The following ME3 variants were observed in gnomAD, a reference collection of about 807,000 sequenced individuals.
The protein encoded by ME3 is NADP-dependent malic enzyme, mitochondrial.
A neutral mutation model predicts 68.9 loss-of-function variants in ME3; 48 were observed. The ratio of observed to expected loss-of-function variants is 0.70; its 90% CI spans 0.55 to 0.89. ME3 has a LOEUF of 0.89. Ranked by LOEUF, ME3 falls within the 40% of genes least tolerant of loss-of-function variation. The pLI, the probability that ME3 is intolerant of heterozygous loss-of-function variation, is 0.00. For synonymous variants in ME3, 320 were observed against 318.8 expected, an observed-to-expected ratio of 1.00 and a Z score of -0.04; for missense variants, 675 against 797.4, an observed-to-expected ratio of 0.85 and a Z score of 1.85.
rs114752656 is a variant in ME3 at position 86,538,132 on chromosome 11, G to A, written c.467+18421C>T. On this transcript the variant is annotated intron_variant, in intron 4 of 14. Transcript: ENST00000543262. Reference sequence around the variant, plus strand: ...CTGATTTCATTCACTTTAGGAATGTGTTTGCTTTCTTGTGGTTGTTTGGGG... The same window carrying A: ...CTGATTTCATTCACTTTAGGAATGTATTTGCTTTCTTGTGGTTGTTTGGGG... Among the ~76,000 whole-genome samples, 364 of 152,316 alleles carry A rather than the reference G, an allele frequency of 2.4e-3. 1 individual carries two copies. Among genetic ancestry groups the A allele is most frequent in the African/African-American group, 8.5e-3 (354 of 41,574 alleles).
At chr11:86,486,058 G>C (rs975993048) in intron 7 of ME3, among the ~76,000 whole-genome samples, 2 of 152,076 alleles carry the variant, frequency 1.3e-5, no homozygotes, top group African/African-American at 4.8e-5. Context: ...TCTTCAAGCA[G>C]ATGGGACTCC....
In ME3 at chr11:86,508,898, A is replaced by G. The variant is rs750561139; in HGVS notation, c.468-31T>C. ...AGAAATAAAACACGTACACACAGAG[A>G]AACCAGGCAGTCAGATTAGGAACTG... On this transcript the variant is annotated intron_variant, in intron 4 of 14. Coordinates refer to ENST00000543262, the Ensembl canonical transcript of ME3. 5.8e-6 allele frequency: 9 copies of G among 1,561,530 alleles called. No individual in the cohort carries two copies. In the African/African-American group the frequency reaches 1.1e-4, roughly 19 times the overall value.
chr11:86,590,192 C>T (rs1958977206), intron 2 of ME3, among the ~76,000 whole-genome samples: 1 of 152,126 alleles, frequency 6.6e-6, no homozygotes, highest in South Asian at 2.1e-4. Flanking sequence ...CCCACAGCAG[C>T]GTGGCCATGC....
At chr11:86,534,081 G>GTGTGTGTGTATATATATATATATATATA (rs1361825219) in intron 4 of ME3, among the ~76,000 whole-genome samples, 2 of 127,508 alleles carry the variant, frequency 1.6e-5, no homozygotes, top group African/African-American at 6.4e-5. Flanking sequence ...GTGTGTGTGT[G>GTGTGTGTGTATATATATATATATATATA]TATATATATA....
intron 4 of ME3, among the ~76,000 whole-genome samples, chr11:86,544,965 C>T (rs773971698): frequency 1.1e-4 from 17 of 152,162 alleles, no homozygotes; most frequent in Non-Finnish European, 1.9e-4. Context: ...CATCAAAAAG[C>T]TTATCCACCA....
At chr11:86,611,759 C>T (rs1486315056) in intron 2 of ME3, among the ~76,000 whole-genome samples, 1 of 151,932 alleles carries the variant, frequency 6.6e-6, no homozygotes. Context: ...TGATCTTAGG[C>T]AATCTACTCA....
intron 4 of ME3, among the ~76,000 whole-genome samples, chr11:86,525,507 G>A (rs866479390): frequency 2.0e-5 from 3 of 148,974 alleles, no homozygotes; most frequent in Non-Finnish European, 3.0e-5. Context: ...GTGGCTGAAT[G>A]GTTTAAAAAA....
At chr11:86,591,255 T>G (rs1192987438) in intron 2 of ME3, among the ~76,000 whole-genome samples, 1 of 152,174 alleles carries the variant, frequency 6.6e-6, no homozygotes, top group African/African-American at 2.4e-5. Flanking sequence ...CAATACTGCT[T>G]TATCTGGATT....
At chr11:86,547,393 C>A (rs1021013343) in intron 4 of ME3, among the ~76,000 whole-genome samples, 2 of 151,338 alleles carry the variant, frequency 1.3e-5, no homozygotes, top group Non-Finnish European at 1.5e-5. Flanking sequence ...GAAAACCAAA[C>A]ACTGCATGTT....
rs1016437609 is a variant in ME3, at chr11:86,575,542, C to G, written c.184-15719G>C. 2.7e-5 allele frequency among the ~76,000 whole-genome samples: 4 copies of G among 147,002 alleles called. 2 individuals carry two copies. The highest frequency in any genetic ancestry group is 1.1e-4 in the African/African-American group (4 of 38,020). ...CTAATGTAGCATCATTGGCCCCTTT[C>G]TCTGAGATAAGAATAAACTTGGGAC... On this transcript the variant is annotated intron_variant, in intron 2 of 14. Coordinates refer to ENST00000543262, the Ensembl canonical transcript of ME3.
chr11:86,508,709 A>G (rs1320781901), intron 5 of ME3, 83 bp downstream of exon 5: 1 of 1,347,272 alleles, frequency 7.4e-7, no homozygotes, highest in Non-Finnish European at 1.1e-6. Context: ...ATAATGGCTC[A>G]TTTTATAGAT....
exon 5 of ME3, chr11:86,508,835 T>C: frequency 2.5e-6 from 4 of 1,613,828 alleles, no homozygotes; most frequent in Non-Finnish European, 3.4e-6. Flanking sequence ...TGTTGCAAGA[T>C]GACCTTTGTC....
At chr11:86,481,366 A>C (rs1030875442) in intron 7 of ME3, among the ~76,000 whole-genome samples, 4 of 152,004 alleles carry the variant, frequency 2.6e-5, no homozygotes, top group African/African-American at 9.7e-5. Context: ...GAGTTTCTCA[A>C]ATTTCAGTCT....
intron 2 of ME3, among the ~76,000 whole-genome samples, chr11:86,648,250 G>A (rs1333874400): frequency 2.0e-5 from 3 of 151,992 alleles, no homozygotes; most frequent in Admixed American, 6.6e-5. Flanking sequence ...CTGGGACACA[G>A]CTAAAGCAGT....
chr11:86,587,749 A>G (rs1958824591), intron 2 of ME3, among the ~76,000 whole-genome samples: 1 of 152,224 alleles, frequency 6.6e-6, no homozygotes, highest in Non-Finnish European at 1.5e-5. Flanking sequence ...AATTACTGTA[A>G]CTAAGGGAGA....
At chr11:86,621,373 T>G (rs1223550012) in intron 2 of ME3, among the ~76,000 whole-genome samples, 4 of 150,580 alleles carry the variant, frequency 2.7e-5, no homozygotes, top group African/African-American at 7.5e-5. Context: ...TTTTTAAACT[T>G]TTTTGCTCCT....
chr11:86,581,756 C>G (rs1251283713), intron 2 of ME3, among the ~76,000 whole-genome samples: 2 of 152,260 alleles, frequency 1.3e-5, no homozygotes, highest in East Asian at 3.9e-4. Context: ...CCACCAGCTA[C>G]CCAGTAACCC....
chr11:86,475,874 T>TATATATATATAGAGAGAGAG, intron 7 of ME3, among the ~76,000 whole-genome samples: 29 of 91,464 alleles, frequency 3.2e-4, no homozygotes, highest in South Asian at 8.3e-4. Flanking sequence ...TATATATATA[T>TATATATATATAGAGAGAGAG]AGAGAGAGAG....
At chr11:86,445,741 A>G (rs184350948) in intron 13 of ME3, among the ~76,000 whole-genome samples, 16 of 152,186 alleles carry the variant, frequency 1.1e-4, no homozygotes, top group African/African-American at 3.6e-4. Flanking sequence ...CATCATGTCT[A>G]GTAAAGAACT....
Sources: allele counts gnomAD v4.1 joint callset (sites outside exome capture counted in the v4.1 genomes callset), GRCh38; gene constraint gnomAD v4.1.1; transcripts MANE v1.5; gene names NCBI Gene and HGNC (gene_info 2026-07-23, HGNC 2026-07-21).